The following SLC44A5 variants were observed in gnomAD, a reference collection of about 807,000 sequenced individuals.
The protein encoded by SLC44A5 is solute carrier family 44 member 5, also known as choline transporter-like protein 5.
Under a neutral mutation model 101.8 loss-of-function variants are expected in SLC44A5, and 57 were observed. The ratio of observed to expected loss-of-function variants is 0.56; its 90% CI spans 0.45 to 0.70. The LOEUF (loss-of-function observed/expected upper bound fraction) is 0.70, where lower values mean the gene tolerates loss of function less well. SLC44A5 is among the 30% of genes least tolerant of loss of function. The probability of loss-of-function intolerance (pLI) is 0.00; values close to 1 mark genes in which losing one functional copy is unlikely to be tolerated. For missense variants in SLC44A5, 737 were observed against 853.1 expected (o/e 0.86, Z 1.70); for synonymous variants, 281 against 290.9 (o/e 0.97, Z 0.35).
the SLC44A5 span, among the ~76,000 whole-genome samples, chr1:75,634,443 T>C: frequency 1.3e-5 from 2 of 151,762 alleles, no homozygotes; most frequent in Non-Finnish European, 2.9e-5. Flanking sequence ...CAAAACAGCA[T>C]GGTACTGGTA....
In SLC44A5 at chr1:75,351,792, AC is replaced by A. The variant is rs201896313; in HGVS notation, c.53-12163del. The stretch of plus-strand genomic sequence containing the variant: ...TCTTTGAGATTCTAACTGTCGCCCC[AC>A]CCCCCCAAACCATCCCCCAAAAGCA... On this transcript the variant is annotated intron_variant, in intron 3 of 23. Coordinates refer to ENST00000370859, the MANE Select transcript of SLC44A5 (RefSeq NM_001130058.2). Among the ~76,000 whole-genome samples, 4 of 78,308 alleles carry A rather than the reference AC, an allele frequency of 5.1e-5. No individual in the cohort carries two copies. The East Asian group carries it at 1.2e-3, about 23-fold the overall frequency. 51.4% of individuals were successfully genotyped at this position (78,308 alleles called of 152,430 possible).
At chr1:75,482,255 C>T (rs1486589648) in intron 2 of SLC44A5, among the ~76,000 whole-genome samples, 2 of 150,512 alleles carry the variant, frequency 1.3e-5, no homozygotes, top group South Asian at 2.1e-4. Context: ...GAACATCACA[C>T]TCTAGGGACT....
At chr1:75,343,429 G>A (rs1297896999) in intron 3 of SLC44A5, among the ~76,000 whole-genome samples, 4 of 152,064 alleles carry the variant, frequency 2.6e-5, no homozygotes, top group African/African-American at 4.8e-5. Context: ...GAAAGCAAAT[G>A]GCAAGATAAA....
At chr1:75,319,356 A>G (rs1655961756) in intron 4 of SLC44A5, among the ~76,000 whole-genome samples, 1 of 152,230 alleles carries the variant, frequency 6.6e-6, no homozygotes, top group Admixed American at 6.5e-5. Context: ...TCCCAGGATA[A>G]TAGGTTGAAT....
intron 1 of SLC44A5, among the ~76,000 whole-genome samples, chr1:75,547,847 ACTT>A (rs1471614236): frequency 6.6e-6 from 1 of 152,100 alleles, no homozygotes; most frequent in Non-Finnish European, 1.5e-5. Flanking sequence ...GCGCCTTCTA[ACTT>A]CTTTTTGTTT....
intron 3 of SLC44A5, among the ~76,000 whole-genome samples, chr1:75,354,543 C>A (rs988792203): frequency 1.3e-5 from 2 of 152,206 alleles, no homozygotes; most frequent in Non-Finnish European, 2.9e-5. Context: ...AAAGCGTGGG[C>A]TCCCAGAGCT....
chr1:75,361,143 C>T lies in SLC44A5; in HGVS notation c.53-21513G>A, dbSNP rs566755844. 5.3e-5 allele frequency among the ~76,000 whole-genome samples: 8 copies of T among 152,020 alleles called. No individual in the cohort carries two copies. In the South Asian group the frequency reaches 8.3e-4, roughly 16 times the overall value. Reference sequence around the variant, plus strand: ...GTGTATAGAGGTGCTAATGATTTTTCGTGTTGAGTTTGTATCCTACAACTT... The same window carrying T: ...GTGTATAGAGGTGCTAATGATTTTTTGTGTTGAGTTTGTATCCTACAACTT... On this transcript the variant is annotated intron_variant, in intron 3 of 23. Transcript: ENST00000370859.
chr1:75,489,609 C>T (rs1668330638), intron 2 of SLC44A5, among the ~76,000 whole-genome samples: 1 of 152,154 alleles, frequency 6.6e-6, no homozygotes. Flanking sequence ...GAATGGCCTG[C>T]CTTTGTTAGC....
At chr1:75,680,082 C>G in the SLC44A5 span, among the ~76,000 whole-genome samples, 1 of 152,172 alleles carries the variant, frequency 6.6e-6, no homozygotes, top group Non-Finnish European at 1.5e-5. Flanking sequence ...TATACATGCA[C>G]CCAATACAGG....
chr1:75,397,882 A>C (rs1320822887), intron 2 of SLC44A5, among the ~76,000 whole-genome samples: 1 of 152,120 alleles, frequency 6.6e-6, no homozygotes, highest in Non-Finnish European at 1.5e-5. Flanking sequence ...GATATTCCCC[A>C]CCACCACACA....
At chr1:75,303,860 C>T (rs1168460425) in intron 4 of SLC44A5, among the ~76,000 whole-genome samples, 5 of 152,012 alleles carry the variant, frequency 3.3e-5, no homozygotes, top group East Asian at 1.9e-4. Context: ...ATGTAAATGA[C>T]GAGTTAATGG....
rs990459342 is a variant in SLC44A5 at position 75,411,924 on chromosome 1, A to G, written c.14-15303T>C. ...AGTTCAGTGTAGCCCATATCCATAG[A>G]TAACAATGTTCTCTGTTGAATGACA... On this transcript the variant is annotated intron_variant, in intron 2 of 23. Coordinates refer to ENST00000370859, the MANE Select transcript of SLC44A5 (RefSeq NM_001130058.2). Among the ~76,000 whole-genome samples the G allele has an allele frequency of 2.6e-5, 4 of 152,132 alleles. No homozygotes were observed. In the East Asian group the frequency reaches 7.7e-4, roughly 29 times the overall value.
intron 1 of SLC44A5, among the ~76,000 whole-genome samples, chr1:75,559,121 G>A (rs1211205366): frequency 6.6e-6 from 1 of 151,832 alleles, no homozygotes; most frequent in Admixed American, 6.6e-5. Flanking sequence ...AGAAACTACA[G>A]TTTGTATATC....
intron 2 of SLC44A5, among the ~76,000 whole-genome samples, chr1:75,539,355 T>C (rs139525045): frequency 6.6e-6 from 1 of 152,286 alleles, no homozygotes; most frequent in East Asian, 1.9e-4. Flanking sequence ...CTCAATGTGT[T>C]TCTCTTTTAA....
At chr1:75,665,521 C>T in the SLC44A5 span, among the ~76,000 whole-genome samples, 6 of 152,102 alleles carry the variant, frequency 3.9e-5, no homozygotes, top group Non-Finnish European at 8.8e-5. Flanking sequence ...ACTTAGGGAA[C>T]ACTATTCTGG....
At chr1:75,592,412 A>G (rs912488726) in intron 1 of SLC44A5, among the ~76,000 whole-genome samples, 1 of 152,150 alleles carries the variant, frequency 6.6e-6, no homozygotes, top group African/African-American at 2.4e-5. Context: ...TAAAATGTCC[A>G]TACTATGCAA....
chr1:75,699,545 A>G, the SLC44A5 span, among the ~76,000 whole-genome samples: 99 of 152,046 alleles, frequency 6.5e-4, 1 homozygote, highest in Middle Eastern at 3.4e-3. Flanking sequence ...CCGCTGCAAA[A>G]TCATGCCAAA....
intron 4 of SLC44A5, among the ~76,000 whole-genome samples, chr1:75,337,347 A>G (rs1391238329): frequency 1.3e-5 from 2 of 152,220 alleles, no homozygotes; most frequent in Non-Finnish European, 2.9e-5. Context: ...AGGAAGAGAA[A>G]CAGTGGATTA....
chr1:75,283,129 T>G (rs1652750006), intron 5 of SLC44A5, among the ~76,000 whole-genome samples: 1 of 151,540 alleles, frequency 6.6e-6, no homozygotes, highest in African/African-American at 2.4e-5. Flanking sequence ...ACCAGCAGTG[T>G]AAAATATTCC....
Sources: gnomAD v4.1 joint callset for allele counts (sites outside exome capture counted in the v4.1 genomes callset) on GRCh38, gnomAD v4.1.1 for gene constraint, MANE v1.5 for transcripts, NCBI Gene and HGNC (gene_info 2026-07-23, HGNC 2026-07-21) for gene names.